Variants in EVA1C observed in about 807,000 individuals in gnomAD.
The protein encoded by EVA1C is protein eva-1 homolog C.
A neutral mutation model predicts 45.4 loss-of-function variants in EVA1C; 25 were observed. That is an observed-to-expected ratio of 0.55 (90% CI 0.40 to 0.77). EVA1C has a LOEUF of 0.77. Among genes scored for constraint, EVA1C ranks in the 30% least tolerant of loss-of-function variants. The probability of loss-of-function intolerance (pLI) is 0.00; values close to 1 mark genes in which losing one functional copy is unlikely to be tolerated. For missense variants in EVA1C, 479 were observed against 554.8 expected (o/e 0.86, Z 1.37); for synonymous variants, 190 against 221.2 (o/e 0.86, Z 1.25).
intron 4 of EVA1C, among the ~76,000 whole-genome samples, chr21:32,487,237 T>C (rs762004813): frequency 2.6e-5 from 4 of 152,144 alleles, no homozygotes; most frequent in Non-Finnish European, 4.4e-5. Context: ...ATCATGTGAC[T>C]AGAGGGCTGG....
At chr21:32,468,737 T>A (rs1469791829) in intron 4 of EVA1C, among the ~76,000 whole-genome samples, 3 of 152,152 alleles carry the variant, frequency 2.0e-5, no homozygotes, top group African/African-American at 7.2e-5. Context: ...TGGCAACTGA[T>A]TAGATTGTGC....
chr21:32,482,854 C>T (rs1296477370), intron 4 of EVA1C, among the ~76,000 whole-genome samples: 1 of 60,968 alleles, frequency 1.6e-5, no homozygotes, highest in East Asian at 5.7e-4. Context: ...GTGTTATTCC[C>T]TTTTTTTTTT....
chr21:32,475,584 CAT>C (rs1316898090), intron 4 of EVA1C, among the ~76,000 whole-genome samples: 4 of 149,764 alleles, frequency 2.7e-5, no homozygotes, highest in Non-Finnish European at 5.9e-5. Context: ...TGCTTTATAT[CAT>C]GTGTGTTTTT....
rs957972630 is a variant in EVA1C at position 32,477,344 on chromosome 21, C to T, written c.634+9496C>T. 7.9e-5 allele frequency among the ~76,000 whole-genome samples: 12 copies of T among 152,302 alleles called. 1 individual carries two copies. The highest frequency in any genetic ancestry group is 3.3e-4 in the Admixed American group (5 of 15,300). The stretch of plus-strand genomic sequence containing the variant: ...TTTGAGGATTTCATTACCCCGGCAA[C>T]CCACTTCAAATATCAAAATGTGAAT... On this transcript the variant is annotated intron_variant, in intron 4 of 7. Coordinates refer to ENST00000300255, the MANE Select transcript of EVA1C (RefSeq NM_058187.5).
At chr21:32,513,097 T>G (rs1319834352) in intron 7 of EVA1C, among the ~76,000 whole-genome samples, 2 of 149,732 alleles carry the variant, frequency 1.3e-5, no homozygotes, top group Non-Finnish European at 3.0e-5. Flanking sequence ...GTTGTTACTA[T>G]ATTATTGTAA....
chr21:32,435,263 A>C (rs907501542), intron 1 of EVA1C, among the ~76,000 whole-genome samples: 4 of 152,208 alleles, frequency 2.6e-5, no homozygotes, highest in Middle Eastern at 3.4e-3. Flanking sequence ...TATGTTGTGC[A>C]GGCTGATCTT....
intron 5 of EVA1C, among the ~76,000 whole-genome samples, chr21:32,495,820 T>G (rs1304046796): frequency 6.6e-6 from 1 of 152,226 alleles, no homozygotes; most frequent in Non-Finnish European, 1.5e-5. Flanking sequence ...GGATTTCCAG[T>G]GTGTAATCCT....
chr21:32,491,829 G>A (rs79318608), intron 4 of EVA1C, among the ~76,000 whole-genome samples: 10,325 of 152,196 alleles, frequency 0.068, 466 homozygotes, highest in Non-Finnish European at 0.1. Flanking sequence ...AGAGTAGGAG[G>A]AGATGATAGG....
In EVA1C at chr21:32,454,099, C is replaced by T. The variant is rs371141040; in HGVS notation, c.357+591C>T. 1.6e-4 allele frequency among the ~76,000 whole-genome samples: 24 copies of T among 152,126 alleles called. No individual in the cohort carries two copies. In the South Asian group the frequency reaches 4.6e-3, roughly 29 times the overall value. On this transcript the variant is annotated intron_variant, in intron 2 of 7. Coordinates refer to ENST00000300255, the MANE Select transcript of EVA1C (RefSeq NM_058187.5). ...CAAAAATTAGCCGGGCATGGTGGCA[C>T]GCACCTGTAGTCCCAGCTACTTGGG... is the stretch of plus-strand genomic sequence containing the variant.
At position 32,501,400 on chromosome 21, in the gene EVA1C, T is replaced by G. The variant is rs763497663; in HGVS notation, c.779-15T>G. Reference sequence around the variant, plus strand: ...ATATACCACGAATTTAAAATATTTCTTTTTTGGCTTTTAGTTCCCAAGAAC... The same window carrying G: ...ATATACCACGAATTTAAAATATTTCGTTTTTGGCTTTTAGTTCCCAAGAAC... On this transcript the variant is annotated splice_polypyrimidine_tract_variant and intron_variant, in intron 5 of 7. Coordinates refer to ENST00000300255, the MANE Select transcript of EVA1C (RefSeq NM_058187.5). 2 of 1,580,836 alleles carry G rather than the reference T, an allele frequency of 1.3e-6. No homozygotes were observed.
At chr21:32,438,194 C>CATT (rs1219464630) in intron 1 of EVA1C, among the ~76,000 whole-genome samples, 2 of 152,118 alleles carry the variant, frequency 1.3e-5, no homozygotes, top group Admixed American at 6.5e-5. Context: ...CTCCTCTTTC[C>CATT]ATTACATTTA....
intron 4 of EVA1C, 141 bp downstream of exon 4, chr21:32,467,989 G>A (rs2036240137): frequency 4.2e-6 from 2 of 477,842 alleles, no homozygotes; most frequent in South Asian, 1.0e-4. Context: ...GATCGTGTAA[G>A]TTAATACTTA....
At chr21:32,458,175 C>T (rs1380612081) in intron 3 of EVA1C, among the ~76,000 whole-genome samples, 1 of 152,198 alleles carries the variant, frequency 6.6e-6, no homozygotes, top group Admixed American at 6.5e-5. Context: ...CTTTAAGAAC[C>T]AGCTCCTCCC....
chr21:32,487,552 T>C (rs2037012196), intron 4 of EVA1C, among the ~76,000 whole-genome samples: 1 of 152,026 alleles, frequency 6.6e-6, no homozygotes, highest in Non-Finnish European at 1.5e-5. Flanking sequence ...AAAACCCATA[T>C]CTACTAAAAA....
intron 1 of EVA1C, among the ~76,000 whole-genome samples, chr21:32,428,952 C>T (rs2034590909): frequency 6.6e-6 from 1 of 151,900 alleles, no homozygotes; most frequent in Non-Finnish European, 1.5e-5. Context: ...ATTCTCACTG[C>T]AGGGCATTCA....
chr21:32,507,628 CTG>C (rs759341070), intron 7 of EVA1C, among the ~76,000 whole-genome samples: 133 of 146,564 alleles, frequency 9.1e-4, no homozygotes, highest in African/African-American at 2.0e-3. Flanking sequence ...ACATGCGTAT[CTG>C]TGTGTGCATG....
At chr21:32,419,396 AC>A (rs2034174212) in intron 1 of EVA1C, among the ~76,000 whole-genome samples, 2 of 152,266 alleles carry the variant, frequency 1.3e-5, no homozygotes, top group East Asian at 1.9e-4. Flanking sequence ...CAGGATTTGA[AC>A]CCAGTACCTA....
intron 3 of EVA1C, among the ~76,000 whole-genome samples, chr21:32,461,454 C>G (rs796421613): frequency 3.3e-5 from 5 of 152,340 alleles, no homozygotes; most frequent in African/African-American, 9.6e-5. Context: ...GTGAGATTGT[C>G]TCCACACCTT....
At chr21:32,507,478 G>T (rs1299865108) in intron 7 of EVA1C, among the ~76,000 whole-genome samples, 3 of 151,488 alleles carry the variant, frequency 2.0e-5, no homozygotes, top group African/African-American at 7.3e-5. Context: ...GTGTGCATGT[G>T]TGTATGCGTC....
Sources: allele counts gnomAD v4.1 joint callset (sites outside exome capture counted in the v4.1 genomes callset), GRCh38; gene constraint gnomAD v4.1.1; transcripts MANE v1.5; gene names NCBI Gene and HGNC (gene_info 2026-07-23, HGNC 2026-07-21).